HIPK3: variants seen among roughly 807,000 people sequenced by gnomAD.
HIPK3 encodes homeodomain interacting protein kinase 3.
In HIPK3, 47 loss-of-function variants were observed where a neutral mutation model predicts 124.2. The observed-to-expected ratio is 0.38, with a 90% CI of 0.30 to 0.48. HIPK3 has a LOEUF of 0.48. HIPK3 is among the 20% of genes least tolerant of loss of function. The pLI, the probability that HIPK3 is intolerant of heterozygous loss-of-function variation, is 0.98. For missense variants in HIPK3, 1,286 were observed against 1,454.3 expected (o/e 0.88, Z 1.88); for synonymous variants, 482 against 515.2 (o/e 0.94, Z 0.87).
rs11429812 is a variant in HIPK3 at position 33,354,700 on chromosome 11, GTTTTT to G, written c.*1142_*1146del. On this transcript the variant is annotated 3_prime_UTR_variant, in exon 17 of 17. Transcript: ENST00000303296. The stretch of plus-strand genomic sequence containing the variant: ...ATTTTTGATTTATGCATGTGAGAGG[GTTTTT>G]TTTTTTTTTAAGTATTTTTACATTG... The G allele has an allele frequency of 1.4e-5, 2 of 143,316 alleles. No homozygotes were observed. The highest frequency in any genetic ancestry group is 5.2e-5 in the African/African-American group (2 of 38,796). 8.9% of individuals were successfully genotyped at this position (143,316 alleles called of 1,614,324 possible). A position where few individuals can be genotyped will look rare whatever the true frequency, so the allele number is the denominator to read the frequency against.
rs111773781 is a variant in HIPK3 at position 33,348,534 on chromosome 11, A to G, written c.2382A>G (p.Leu794=). Reference sequence around the variant, plus strand: ...CCTTTGGTTGCAGGAGTAATTCATTACAGAATACCAATATCCCACATTCAG... The same window carrying G: ...CCTTTGGTTGCAGGAGTAATTCATTGCAGAATACCAATATCCCACATTCAG... ...EINAFSWSNS[L]QNTNIPHSAF... The change falls in exon 13 of 17, where the codon TTA becomes TTG. Residue 794 remains leucine (L), a synonymous_variant. Coordinates refer to ENST00000303296, the MANE Select transcript of HIPK3 (RefSeq NM_005734.5). 1.2e-6 allele frequency: 2 copies of G among 1,609,262 alleles called. No homozygotes were observed. The highest frequency in any genetic ancestry group is 1.1e-5 in the South Asian group (1 of 90,866).
At chr11:33,259,930 A>G (rs1850780056) in intron 1 of HIPK3, among the ~76,000 whole-genome samples, 1 of 152,034 alleles carries the variant, frequency 6.6e-6, no homozygotes, top group Non-Finnish European at 1.5e-5. Flanking sequence ...TTTCAACTTT[A>G]TATTTGGGCA....
chr11:33,258,543 T>A, intron 1 of HIPK3: 1 of 985,438 alleles, frequency 1.0e-6, no homozygotes, highest in Non-Finnish European at 1.2e-6. Flanking sequence ...GAGGAAGGCG[T>A]GGCGGCCGCG....
intron 2 of HIPK3, among the ~76,000 whole-genome samples, chr11:33,295,937 G>T (rs550004599): frequency 6.6e-6 from 1 of 152,144 alleles, no homozygotes; most frequent in Non-Finnish European, 1.5e-5. Flanking sequence ...CTATTCACAC[G>T]TACTATTTCT....
At chr11:33,301,417 G>A (rs1851995615) in intron 2 of HIPK3, among the ~76,000 whole-genome samples, 1 of 151,984 alleles carries the variant, frequency 6.6e-6, no homozygotes, top group South Asian at 2.1e-4. Flanking sequence ...GTTTCTGTTT[G>A]TATTCCATTT....
intron 2 of HIPK3, among the ~76,000 whole-genome samples, chr11:33,307,249 A>T (rs1852187983): frequency 1.3e-5 from 2 of 151,780 alleles, no homozygotes; most frequent in African/African-American, 4.8e-5. Context: ...AGATGCATCC[A>T]TTTTTAAATA....
intron 2 of HIPK3, among the ~76,000 whole-genome samples, chr11:33,311,922 C>CACACACACACACACACT (rs1565079202): frequency 6.8e-6 from 1 of 146,636 alleles, no homozygotes; most frequent in East Asian, 2.0e-4. Context: ...CACACACACA[C>CACACACACACACACACT]ACACACACAC....
chr11:33,353,139 G>T lies in HIPK3; in HGVS notation c.3219G>T (p.Gly1073=), dbSNP rs1240190641. The change falls in exon 17 of 17, where the codon GGG becomes GGT. Residue 1073 remains glycine, a synonymous_variant. Transcript: ENST00000303296. ...SGHQEWNGNF[G]HRRQQAYIPT... ...ATCAAGAGTGGAATGGAAACTTTGG[G>T]CACAGAAGACAGCAAGCTTATATTC... is the stretch of plus-strand genomic sequence containing the variant. The T allele has an allele frequency of 1.9e-6, 3 of 1,613,614 alleles. No individual in the cohort carries two copies. Among genetic ancestry groups the T allele is most frequent in the Non-Finnish European group, 2.5e-6 (3 of 1,179,898 alleles).
At chr11:33,272,997 G>C (rs1590344759) in intron 1 of HIPK3, among the ~76,000 whole-genome samples, 1 of 151,272 alleles carries the variant, frequency 6.6e-6, no homozygotes, top group East Asian at 2.0e-4. Context: ...ACCGTGCCTG[G>C]CTAATTTTTT....
chr11:33,268,147 G>A (rs983076908), intron 1 of HIPK3, among the ~76,000 whole-genome samples: 1 of 152,148 alleles, frequency 6.6e-6, no homozygotes, highest in Admixed American at 6.6e-5. Flanking sequence ...GGAGGCGGAT[G>A]TTACAGTGAG....
chr11:33,305,588 A>G (rs1440561320), intron 2 of HIPK3, among the ~76,000 whole-genome samples: 1 of 152,196 alleles, frequency 6.6e-6, no homozygotes, highest in Non-Finnish European at 1.5e-5. Flanking sequence ...CAGGTTGTCC[A>G]GTGGTGCACA....
At chr11:33,347,493 A>T in intron 9 of HIPK3, 79 bp downstream of exon 9, 1 of 1,594,572 alleles carries the variant, frequency 6.3e-7, no homozygotes, top group Non-Finnish European at 8.6e-7. Context: ...TAGGGATTTA[A>T]TCCATTTTGT....
intron 2 of HIPK3, among the ~76,000 whole-genome samples, chr11:33,305,271 G>A (rs996986502): frequency 6.6e-6 from 1 of 152,012 alleles, no homozygotes; most frequent in Admixed American, 6.6e-5. Flanking sequence ...CAAAGTGCTG[G>A]GATTATAGGC....
rs1853661483 is a variant in HIPK3, at chr11:33,351,661, C to T, written c.2861C>T (p.Thr954Ile). The T allele has an allele frequency of 6.2e-7, 1 of 1,614,074 alleles. No individual in the cohort carries two copies. Residue 954 changes from threonine (T) to isoleucine (I), a missense_variant, in exon 15 of 17, where the codon ACA (threonine) becomes ATA (isoleucine). Physicochemically the swap from Thr to Ile is moderately conservative, Grantham distance 89. Transcript: ENST00000303296. Reference protein sequence around the residue: ...SSCDTVDGSPTSDSSGHDSPF... With the variant: ...SSCDTVDGSPISDSSGHDSPF... ...TGTGATACGGTGGATGGCTCTCCGA[C>T]ATCTGACTCTTCCGGGCATGACAGT... is the stretch of plus-strand genomic sequence containing the variant.
rs778891292 is a variant in HIPK3 at position 33,347,517 on chromosome 11, T to C, written c.2019+103T>C. The C allele has an allele frequency of 3.8e-6, 6 of 1,571,970 alleles. No individual in the cohort carries two copies. The East Asian group carries it at 6.8e-5, about 18-fold the overall frequency. On this transcript the variant is annotated intron_variant, in intron 9 of 16. Coordinates refer to ENST00000303296, the MANE Select transcript of HIPK3 (RefSeq NM_005734.5). The stretch of plus-strand genomic sequence containing the variant: ...AATCCATTTTGTAGGTTATGGACTT[T>C]AATGTTTATAATTGTTAGCTGTTAC...
chr11:33,347,690 C>T lies in HIPK3; in HGVS notation c.2081C>T (p.Ala694Val). 1 of 1,614,186 alleles carries T rather than the reference C, an allele frequency of 6.2e-7. No individual in the cohort carries two copies. The highest frequency in any genetic ancestry group is 1.1e-5 in the South Asian group (1 of 91,078). Residue 694 changes from alanine (A) to valine (V), a missense_variant, in exon 10 of 17, where the codon GCT (alanine) becomes GTT (valine). Ala to Val is a moderately conservative substitution (Grantham distance 64). This residue lies in a region of HIPK3 where 810 missense variants were observed against 864.9 expected (regional missense o/e 0.94). Transcript: ENST00000303296. ...GCCTGGCAACAGGTGACACCCCTGG[C>T]TCCTGCTACTACTACACTAACTTCT... ...VPAWQQVTPLAPATTTLTSES... is the reference protein window; with the variant it reads ...VPAWQQVTPLVPATTTLTSES...
chr11:33,289,566 T>A (rs1361111555), intron 2 of HIPK3, among the ~76,000 whole-genome samples: 1 of 152,214 alleles, frequency 6.6e-6, no homozygotes, highest in Non-Finnish European at 1.5e-5. Context: ...TTATGAGGTA[T>A]TTGAGATATT....
At chr11:33,291,261 T>C (rs1851690707) in intron 2 of HIPK3, among the ~76,000 whole-genome samples, 1 of 152,180 alleles carries the variant, frequency 6.6e-6, no homozygotes, top group Non-Finnish European at 1.5e-5. Context: ...AGCTAAAGTG[T>C]CTTATACTTG....
intron 8 of HIPK3, among the ~76,000 whole-genome samples, chr11:33,346,378 G>GTT (rs1853493265): frequency 6.6e-6 from 1 of 152,184 alleles, no homozygotes; most frequent in African/African-American, 2.4e-5. Context: ...GGAAACCTTA[G>GTT]TTTTATCATC....
Sources: allele counts gnomAD v4.1 joint callset (sites outside exome capture counted in the v4.1 genomes callset), GRCh38; gene constraint gnomAD v4.1.1; regional missense constraint gnomAD v4.1.1; transcripts MANE v1.5; gene names NCBI Gene and HGNC (gene_info 2026-07-23, HGNC 2026-07-21).